ERAP1: variants seen among roughly 807,000 people sequenced by gnomAD.
ERAP1 encodes the protein adipocyte-derived leucine aminopeptidase.
A neutral mutation model predicts 103.7 loss-of-function variants in ERAP1; 86 were observed. The ratio of observed to expected loss-of-function variants is 0.83; its 90% CI spans 0.70 to 0.99. ERAP1 has a LOEUF of 0.99. Among genes scored for constraint, ERAP1 ranks in the 50% least tolerant of loss-of-function variants. The pLI is 0.00. For missense variants in ERAP1, 1,009 were observed against 1,128.4 expected, an observed-to-expected ratio of 0.89 and a Z score of 1.52; for synonymous variants, 398 against 402.4, an observed-to-expected ratio of 0.99 and a Z score of 0.13.
chr5:96,879,605 A>G, the ERAP1 span: 1 of 1,099,444 alleles, frequency 9.1e-7, no homozygotes. Flanking sequence ...ACCCCATGTG[A>G]CATAACTGGA....
At chr5:96,847,246 T>TAAA in the ERAP1 span, among the ~76,000 whole-genome samples, 1 of 73,154 alleles carries the variant, frequency 1.4e-5, no homozygotes, top group African/African-American at 4.2e-5. Context: ...AGACTCCATC[T>TAAA]CAAAAAAAAA....
At chr5:96,870,521 C>T in the ERAP1 span, among the ~76,000 whole-genome samples, 2 of 152,088 alleles carry the variant, frequency 1.3e-5, no homozygotes, top group Admixed American at 6.5e-5. Flanking sequence ...CGAAGCCCTG[C>T]CCCATGAAAC....
In ERAP1 at chr5:96,776,144, T is replaced by C. The variant is rs550130809; in HGVS notation, c.*252A>G. 9.5e-5 allele frequency: 140 copies of C among 1,472,508 alleles called. 1 individual carries two copies. In the East Asian group the frequency reaches 3.9e-3, roughly 41 times the overall value. The allele number at this position is 1,472,508 out of a possible 1,614,324, so 91.2% of individuals were successfully genotyped here. ...AAAATGAGAAGAATAAGGTACTTTA[T>C]TCTTCTGTGGCAGGGAACCCAACAC... On this transcript the variant is annotated 3_prime_UTR_variant, in exon 19 of 19. Coordinates refer to ENST00000443439, the MANE Select transcript of ERAP1 (RefSeq NM_001040458.3).
At chr5:96,919,389 A>G in the ERAP1 span, 2 of 152,464 alleles carry the variant, frequency 1.3e-5, no homozygotes, top group African/African-American at 4.8e-5. Flanking sequence ...GATATCCTTT[A>G]GAATTACATG....
At chr5:96,900,227 T>C in the ERAP1 span, 1 of 1,612,054 alleles carries the variant, frequency 6.2e-7, no homozygotes, top group Non-Finnish European at 8.5e-7. Context: ...AAGAGATCTG[T>C]GGAATAGCCT....
chr5:96,827,506 CA>C, the ERAP1 span, among the ~76,000 whole-genome samples: 1 of 150,800 alleles, frequency 6.6e-6, no homozygotes, highest in African/African-American at 2.4e-5. Context: ...TGCTAAAATA[CA>C]AAAAAAAATT....
downstream of ERAP1, chr5:96,769,854 A>T (rs1273876765): frequency 6.8e-6 from 1 of 147,238 alleles, no homozygotes; most frequent in Admixed American, 6.9e-5. Flanking sequence ...GGCTTATATC[A>T]TCTAGTATAA....
rs1009118532 is a variant in ERAP1 at position 96,775,641 on chromosome 5, C to T, written c.*755G>A. 6.1e-6 allele frequency: 2 copies of T among 327,184 alleles called. No homozygotes were observed. Among genetic ancestry groups the T allele is most frequent in the African/African-American group, 4.5e-5 (2 of 44,532 alleles). 20.3% of individuals were successfully genotyped at this position (327,184 alleles called of 1,614,324 possible). A position where few individuals can be genotyped will look rare whatever the true frequency, so the allele number is the denominator to read the frequency against. ...CGCCAGGACTAGTAAAAGCCAGACT[C>T]CCACTGAGGCCACTAATCCTGAAGG... On this transcript the variant is annotated 3_prime_UTR_variant, in exon 19 of 19. Transcript: ENST00000443439.
intron 3 of ERAP1, among the ~76,000 whole-genome samples, chr5:96,799,939 A>C (rs1777791191): frequency 6.6e-6 from 1 of 152,166 alleles, no homozygotes; most frequent in African/African-American, 2.4e-5. Context: ...AGGTAGGTAT[A>C]GAGTTTTAAG....
the ERAP1 span, among the ~76,000 whole-genome samples, chr5:96,929,541 G>C: frequency 6.6e-6 from 1 of 150,820 alleles, no homozygotes; most frequent in Admixed American, 6.6e-5. Flanking sequence ...CTGGAGTGTA[G>C]TGCACCCCGG....
At chr5:96,828,500 C>T in the ERAP1 span, among the ~76,000 whole-genome samples, 1 of 152,254 alleles carries the variant, frequency 6.6e-6, no homozygotes, top group Admixed American at 6.5e-5. Context: ...GAACTGATTA[C>T]ATTCAAAGTT....
At chr5:96,870,352 G>A in the ERAP1 span, among the ~76,000 whole-genome samples, 2 of 152,314 alleles carry the variant, frequency 1.3e-5, no homozygotes, top group East Asian at 3.9e-4. Context: ...AAACATGAAC[G>A]TTGTCCAAAC....
At chr5:96,807,759 C>A in intron 1 of ERAP1, 101 bp downstream of exon 1, 1 of 866,076 alleles carries the variant, frequency 1.2e-6, no homozygotes, top group Non-Finnish European at 1.4e-6. Flanking sequence ...CTCCCGTGCC[C>A]CAGGCCCTCA....
the ERAP1 span, chr5:96,814,445 T>C: frequency 5.4e-6 from 2 of 369,296 alleles, no homozygotes; most frequent in Non-Finnish European, 1.1e-5. Flanking sequence ...AGGATTGGCA[T>C]AGTCTGTGTT....
chr5:96,827,316 C>T, the ERAP1 span, among the ~76,000 whole-genome samples: 1 of 152,080 alleles, frequency 6.6e-6, no homozygotes, highest in Admixed American at 6.6e-5. Flanking sequence ...GGGTAGAAGA[C>T]AAGTTATTAA....
intron 17 of ERAP1, 46 bp from the exon 18 acceptor site, chr5:96,780,550 T>C (rs776500953): frequency 2.1e-6 from 3 of 1,445,952 alleles, no homozygotes; most frequent in Non-Finnish European, 2.9e-6. Context: ...TACTTATTCA[T>C]TTAACATATA....
chr5:96,911,299 C>T, the ERAP1 span, among the ~76,000 whole-genome samples: 1 of 152,230 alleles, frequency 6.6e-6, no homozygotes, highest in South Asian at 2.1e-4. Flanking sequence ...ATTTCTGGCT[C>T]CCTCCTCAAT....
In ERAP1 at chr5:96,793,448, T is replaced by C. The variant is rs1162602038; in HGVS notation, c.1140A>G (p.Lys380=). The part of the protein sequence containing the change: ...NDLWLNEGFA[K]FMEFVSVSVT... ...CACTGACAGACACAAACTCCATAAA[T>C]TTGGCAAATCCTTCATTTAGCCAAA... The change falls in exon 7 of 19, where the codon AAA becomes AAG. Residue 380 remains lysine (K), a synonymous_variant. Transcript: ENST00000443439. 1 of 1,613,778 alleles carries C rather than the reference T, an allele frequency of 6.2e-7. No homozygotes were observed. The highest frequency in any genetic ancestry group is 8.5e-7 in the Non-Finnish European group (1 of 1,179,864).
At chr5:96,885,353 C>T in the ERAP1 span, among the ~76,000 whole-genome samples, 4 of 152,178 alleles carry the variant, frequency 2.6e-5, no homozygotes, top group Non-Finnish European at 5.9e-5. Context: ...GTTGAATCAG[C>T]TTCCTAAAAA....
Sources: allele counts gnomAD v4.1 joint callset (sites outside exome capture counted in the v4.1 genomes callset), GRCh38; gene constraint gnomAD v4.1.1; transcripts MANE v1.5; gene names NCBI Gene and HGNC (gene_info 2026-07-23, HGNC 2026-07-21).